The following CCDC80 variants were observed in gnomAD, a reference collection of about 807,000 sequenced individuals.
The protein encoded by CCDC80 is coiled-coil domain containing 80.
Under a neutral mutation model 78.7 loss-of-function variants are expected in CCDC80, and 49 were observed. The observed-to-expected ratio is 0.62, with a 90% CI of 0.50 to 0.79. CCDC80 has a LOEUF of 0.79. Ranked by LOEUF, CCDC80 falls within the 30% of genes least tolerant of loss-of-function variation. CCDC80 has a pLI of 0.00. For missense variants in CCDC80, 1,205 were observed against 1,198.6 expected (o/e 1.01, Z -0.08); for synonymous variants, 488 against 447.0 (o/e 1.09, Z -1.16).
chr3:112,612,888 T>C (rs1935659741), intron 5 of CCDC80, among the ~76,000 whole-genome samples: 1 of 151,538 alleles, frequency 6.6e-6, no homozygotes, highest in African/African-American at 2.4e-5. Flanking sequence ...TTTTTTTCAT[T>C]TCTCTTTGCC....
At chr3:112,610,120 T>C (rs1196240078) in intron 5 of CCDC80, 39 bp from the exon 6 acceptor site, 1 of 1,555,088 alleles carries the variant, frequency 6.4e-7, no homozygotes, top group Non-Finnish European at 8.9e-7. Context: ...TGCTTACTGC[T>C]TCAAACAATA....
In CCDC80 at chr3:112,616,318, C is replaced by T. The variant is rs547650306; in HGVS notation, c.2321+392G>A. 7.9e-5 allele frequency among the ~76,000 whole-genome samples: 12 copies of T among 151,582 alleles called. No homozygotes were observed. The South Asian group carries it at 2.5e-3, about 32-fold the overall frequency. On this transcript the variant is annotated intron_variant, in intron 5 of 7. Transcript: ENST00000206423. ...AAATCCTGTTTGGAACCAGAAGGGG[C>T]CTAATAAATAAATATGTAAAATAAA... is the stretch of plus-strand genomic sequence containing the variant.
At chr3:112,635,288 G>C (rs1443843942) in intron 2 of CCDC80, among the ~76,000 whole-genome samples, 1 of 152,262 alleles carries the variant, frequency 6.6e-6, no homozygotes, top group Non-Finnish European at 1.5e-5. Flanking sequence ...TGAGCTGAAA[G>C]TCCTGCACAA....
intron 1 of CCDC80, 121 bp from the exon 2 acceptor site, chr3:112,640,037 G>T (rs965576614): frequency 1.6e-5 from 23 of 1,439,840 alleles, no homozygotes; most frequent in Non-Finnish European, 1.5e-5. Context: ...GAGGGGAAAA[G>T]GTTGGTTAGA....
At chr3:112,637,307 G>T (rs1476363486) in intron 2 of CCDC80, among the ~76,000 whole-genome samples, 3 of 152,166 alleles carry the variant, frequency 2.0e-5, no homozygotes, top group Non-Finnish European at 4.4e-5. Context: ...AATTAACCCA[G>T]TTCCCCACAT....
At chr3:112,607,093 A>G (rs1268751026) in intron 7 of CCDC80, 83 bp downstream of exon 7, 5 of 996,446 alleles carry the variant, frequency 5.0e-6, no homozygotes, top group Admixed American at 2.0e-5. Flanking sequence ...CCTTAGAGAT[A>G]CACCCACTGC....
At position 112,639,716 on chromosome 3, in the gene CCDC80, A is replaced by G. The variant is rs998954337; in HGVS notation, c.190T>C (p.Ser64Pro). Residue 64 changes from serine to proline, a missense_variant, in exon 2 of 8, where the codon TCC (serine) becomes CCC (proline). By Grantham distance (74) the Ser-to-Pro change is moderately conservative. Coordinates refer to ENST00000206423, the MANE Select transcript of CCDC80 (RefSeq NM_199511.3). ...TGAAGGTTTGGTTCCTCCAGAGTGG[A>G]TCTCTCAATTCCGCGAGACCTCCCA... Reference protein sequence around the residue: ...HTGRSRGIERSTLEEPNLQPL... With the variant: ...HTGRSRGIERPTLEEPNLQPL... The G allele has an allele frequency of 2.5e-6, 4 of 1,614,070 alleles. No individual in the cohort carries two copies. Among genetic ancestry groups the G allele is most frequent in the Non-Finnish European group, 3.4e-6 (4 of 1,180,000 alleles).
At chr3:112,637,506 G>C (rs1286466839) in intron 2 of CCDC80, among the ~76,000 whole-genome samples, 3 of 152,190 alleles carry the variant, frequency 2.0e-5, no homozygotes, top group Non-Finnish European at 2.9e-5. Context: ...CTCCAATGTT[G>C]ATATAGAGCT....
Position 112,601,525 on chromosome 3 carries a change from A to C in CCDC80, c.*3892T>G, listed in dbSNP as rs1003468234. 6.6e-6 allele frequency: 1 copy of C among 152,028 alleles called. No individual in the cohort carries two copies. The highest frequency in any genetic ancestry group is 1.5e-5 in the Non-Finnish European group (1 of 68,004). 9.4% of individuals were successfully genotyped at this position (152,028 alleles called of 1,614,324 possible). On this transcript the variant is annotated 3_prime_UTR_variant, in exon 8 of 8. Transcript: ENST00000206423. ...TGTTGAAAAAAGAAATGTAGTAAAG[A>C]AGCAAGGATGGCTGGGCATGGTGGA...
chr3:112,616,953 G>T, intron 4 of CCDC80, 95 bp from the exon 5 acceptor site: 1 of 1,291,406 alleles, frequency 7.7e-7, no homozygotes, highest in Non-Finnish European at 1.1e-6. Context: ...GAGGAGCTCT[G>T]GGGAAATCTT....
chr3:112,617,665 T>G (rs1935779710), intron 4 of CCDC80, among the ~76,000 whole-genome samples: 1 of 152,274 alleles, frequency 6.6e-6, no homozygotes, highest in Non-Finnish European at 1.5e-5. Context: ...AGAAATATGT[T>G]GCATGTTGGG....
chr3:112,637,987 G>T, intron 2 of CCDC80, 41 bp downstream of exon 2: 10 of 1,556,434 alleles, frequency 6.4e-6, no homozygotes, highest in Non-Finnish European at 8.6e-6. Flanking sequence ...AACATGCCCT[G>T]CCTCAGCCCA....
rs1277839089 is a variant in CCDC80, at chr3:112,603,603, T to C, written c.*1814A>G. ...ATAAATGATCAGTTCCAGACCACTA[T>C]AATATATATATATATAGCTGTTCAC... On this transcript the variant is annotated 3_prime_UTR_variant, in exon 8 of 8. Transcript: ENST00000206423. 6.8e-6 allele frequency: 1 copy of C among 147,862 alleles called. No homozygotes were observed. Among genetic ancestry groups the C allele is most frequent in the Non-Finnish European group, 1.5e-5 (1 of 67,246 alleles). The allele number at this position is 147,862 out of a possible 1,614,324, so 9.2% of individuals were successfully genotyped here. A position where few individuals can be genotyped will look rare whatever the true frequency, so the allele number is the denominator to read the frequency against.
At position 112,614,293 on chromosome 3, in the gene CCDC80, G is replaced by A. The variant is rs181614289; in HGVS notation, c.2321+2417C>T. 5.3e-5 allele frequency among the ~76,000 whole-genome samples: 8 copies of A among 152,152 alleles called. No homozygotes were observed. In the East Asian group the frequency reaches 7.7e-4, roughly 15 times the overall value. On this transcript the variant is annotated intron_variant, in intron 5 of 7. Coordinates refer to ENST00000206423, the MANE Select transcript of CCDC80 (RefSeq NM_199511.3). ...GTTATAAATTGGAAAATAAAATTTCGAAGCCTAATTCAGAAGTTTGGGAAC... is the reference window on the plus strand; with the variant it reads ...GTTATAAATTGGAAAATAAAATTTCAAAGCCTAATTCAGAAGTTTGGGAAC...
At chr3:112,606,202 A>G (rs920738266) in intron 7 of CCDC80, among the ~76,000 whole-genome samples, 2 of 152,246 alleles carry the variant, frequency 1.3e-5, no homozygotes, top group Non-Finnish European at 2.9e-5. Flanking sequence ...GAAAATATCA[A>G]TTCTGTTAAG....
intron 4 of CCDC80, among the ~76,000 whole-genome samples, 191 bp downstream of exon 4, chr3:112,618,777 A>T (rs1935803779): frequency 6.6e-6 from 1 of 152,224 alleles, no homozygotes; most frequent in Admixed American, 6.5e-5. Context: ...ACTCCAACTC[A>T]GTCTTTGTCA....
In CCDC80 at chr3:112,607,166, AAC is replaced by A; in HGVS notation, c.2506+8_2506+9del. 6.3e-7 allele frequency: 1 copy of A among 1,595,084 alleles called. No individual in the cohort carries two copies. Among genetic ancestry groups the A allele is most frequent in the East Asian group, 2.2e-5 (1 of 44,772 alleles). ...CTAGTTCATACTGTTTCAAGATAACAACACATTACCATTAATTGGGAACAGTT... is the reference window on the plus strand; with the variant it reads ...CTAGTTCATACTGTTTCAAGATAACAACATTACCATTAATTGGGAACAGTT... On this transcript the variant is annotated splice_region_variant and intron_variant, in intron 7 of 7. Transcript: ENST00000206423.
rs1319384095 is a variant in CCDC80, at chr3:112,597,543, G to T, written c.*7874C>A. ...TTTAGTTTATTTCAGGGAGGGGGTG[G>T]TGTTTTTTAATGAATTAATACAAGT... On this transcript the variant is annotated 3_prime_UTR_variant, in exon 8 of 8. Coordinates refer to ENST00000206423, the MANE Select transcript of CCDC80 (RefSeq NM_199511.3). 1 of 151,952 alleles carries T rather than the reference G, an allele frequency of 6.6e-6. No individual in the cohort carries two copies. Among genetic ancestry groups the T allele is most frequent in the African/African-American group, 2.4e-5 (1 of 41,340 alleles). 9.4% of individuals were successfully genotyped at this position (151,952 alleles called of 1,614,324 possible).
intron 5 of CCDC80, among the ~76,000 whole-genome samples, chr3:112,612,887 T>G: frequency 6.8e-6 from 1 of 147,816 alleles, no homozygotes; most frequent in South Asian, 2.2e-4. Flanking sequence ...TTTTTTTTCA[T>G]TTCTCTTTGC....
Sources: allele counts gnomAD v4.1 joint callset (sites outside exome capture counted in the v4.1 genomes callset), GRCh38; gene constraint gnomAD v4.1.1; transcripts MANE v1.5; gene names NCBI Gene and HGNC (gene_info 2026-07-23, HGNC 2026-07-21).